The following MSRA variants were observed in gnomAD, a reference collection of about 807,000 sequenced individuals.
MSRA encodes methionine sulfoxide reductase A.
A neutral mutation model predicts 31.3 loss-of-function variants in MSRA; 54 were observed. The observed-to-expected ratio is 1.73, with a 90% CI of 1.39 to 2.17. The LOEUF (loss-of-function observed/expected upper bound fraction) is 2.17. Among genes scored for constraint, MSRA ranks in the 30% most tolerant of loss-of-function variants. MSRA has a pLI of 0.00. For missense variants in MSRA, 507 were observed against 300.9 expected, an observed-to-expected ratio of 1.69 and a Z score of -5.07; for synonymous variants, 169 against 116.5, an observed-to-expected ratio of 1.45 and a Z score of -2.90.
At chr8:10,054,775 G>C in intron 1 of MSRA, 117 bp downstream of exon 1, 5 of 1,195,976 alleles carry the variant, frequency 4.2e-6, no homozygotes, top group East Asian at 3.4e-5. Flanking sequence ...GGCGGGTCGC[G>C]GGGTGGGGGT....
chr8:10,071,951 C>T (rs940691066), intron 1 of MSRA, among the ~76,000 whole-genome samples: 1 of 152,158 alleles, frequency 6.6e-6, no homozygotes, highest in Admixed American at 6.5e-5. Context: ...TTCAGTAGTG[C>T]GTATGGGTCC....
chr8:10,166,517 G>C (rs143304019), intron 1 of MSRA, among the ~76,000 whole-genome samples: 1 of 152,084 alleles, frequency 6.6e-6, no homozygotes, highest in Admixed American at 6.5e-5. Context: ...GCATTTGTGT[G>C]TGTGTGCATA....
chr8:10,278,392 G>A (rs928846245), intron 3 of MSRA, among the ~76,000 whole-genome samples: 13 of 152,236 alleles, frequency 8.5e-5, no homozygotes, highest in African/African-American at 2.9e-4. Context: ...ACATGCACAG[G>A]TTGACTTCTT....
intron 3 of MSRA, among the ~76,000 whole-genome samples, chr8:10,258,336 G>T (rs1798290977): frequency 6.6e-6 from 1 of 152,142 alleles, no homozygotes; most frequent in Non-Finnish European, 1.5e-5. Flanking sequence ...CCCTTCCAAA[G>T]TGAGAAAGAC....
At chr8:10,059,886 C>G (rs187349219) in intron 1 of MSRA, among the ~76,000 whole-genome samples, 1 of 152,184 alleles carries the variant, frequency 6.6e-6, no homozygotes, top group South Asian at 2.1e-4. Flanking sequence ...AGATGCTCAA[C>G]TTCACTTATA....
At chr8:10,298,014 G>T (rs1006453463) in intron 3 of MSRA, among the ~76,000 whole-genome samples, 6 of 152,164 alleles carry the variant, frequency 3.9e-5, no homozygotes, top group African/African-American at 1.4e-4. Flanking sequence ...CATAGTAGGA[G>T]GTTGAGCTTC....
rs578154657 is a variant in MSRA at position 10,061,459 on chromosome 8, A to G, written c.142+6801A>G. Among the ~76,000 whole-genome samples the G allele has an allele frequency of 3.3e-5, 5 of 152,054 alleles. No individual in the cohort carries two copies. In the South Asian group the frequency reaches 8.3e-4, roughly 25 times the overall value. On this transcript the variant is annotated intron_variant, in intron 1 of 5. Transcript: ENST00000317173. ...CTTCTTCTCTACTGGACAAATAGCT[A>G]TGTACTACTTTATGAATCCTTTCTA... is the stretch of plus-strand genomic sequence containing the variant.
At chr8:10,135,995 C>G (rs1429420994) in intron 1 of MSRA, among the ~76,000 whole-genome samples, 1 of 152,128 alleles carries the variant, frequency 6.6e-6, no homozygotes, top group African/African-American at 2.4e-5. Flanking sequence ...AAGTAGGCCC[C>G]ATGAGGTGAG....
intron 5 of MSRA, among the ~76,000 whole-genome samples, chr8:10,322,518 A>C (rs1802102702): frequency 6.6e-6 from 1 of 152,170 alleles, no homozygotes; most frequent in Non-Finnish European, 1.5e-5. Flanking sequence ...AAGCAGAGGC[A>C]GATTTGTGGG....
chr8:10,132,789 C>T (rs1447070657), intron 1 of MSRA, among the ~76,000 whole-genome samples: 2 of 152,196 alleles, frequency 1.3e-5, no homozygotes, highest in Non-Finnish European at 2.9e-5. Context: ...AAAGGTTAAA[C>T]AGTTTACCCG....
rs1053393602 is a variant in MSRA, at chr8:10,380,390, G to C, written c.544-47758G>C. ...GCCTTCCCTGCACTGTATTTGGTGG[G>C]ATGGAGCCATGGCGCTGAAGGCTCA... On this transcript the variant is annotated intron_variant, in intron 5 of 5. Transcript: ENST00000317173. Among the ~76,000 whole-genome samples, 5 of 152,190 alleles carry C rather than the reference G, an allele frequency of 3.3e-5. No individual in the cohort carries two copies. In the South Asian group the frequency reaches 8.3e-4, roughly 25 times the overall value.
chr8:10,144,600 C>A (rs1057224826), intron 1 of MSRA, among the ~76,000 whole-genome samples: 1 of 151,996 alleles, frequency 6.6e-6, no homozygotes, highest in Non-Finnish European at 1.5e-5. Flanking sequence ...GCTTCCCCCC[C>A]TCCTCCCCCT....
intron 5 of MSRA, among the ~76,000 whole-genome samples, chr8:10,341,534 G>A (rs566620738): frequency 1.3e-5 from 2 of 152,288 alleles, no homozygotes; most frequent in East Asian, 3.9e-4. Context: ...GATTTGGGCA[G>A]GGACATATAT....
chr8:10,264,684 G>T (rs1196224792), intron 3 of MSRA, among the ~76,000 whole-genome samples: 1 of 152,146 alleles, frequency 6.6e-6, no homozygotes, highest in African/African-American at 2.4e-5. Flanking sequence ...AGAGCAAATG[G>T]CCTTCTGGTG....
chr8:10,392,458 G>T (rs1266090480), intron 5 of MSRA, among the ~76,000 whole-genome samples: 1 of 152,136 alleles, frequency 6.6e-6, no homozygotes, highest in Non-Finnish European at 1.5e-5. Context: ...TCTCCCTATG[G>T]GTTCCTCCCT....
At chr8:10,128,578 A>G (rs1247115918) in intron 1 of MSRA, among the ~76,000 whole-genome samples, 2 of 152,124 alleles carry the variant, frequency 1.3e-5, no homozygotes, top group African/African-American at 4.8e-5. Context: ...CTAGTAGCCC[A>G]GCCTGGAAAA....
rs528202517 is a variant in MSRA, at chr8:10,339,831, A to G, written c.543+19842A>G. On this transcript the variant is annotated intron_variant, in intron 5 of 5. Transcript: ENST00000317173. ...GCTGGGATTACAGGCGTGAGCCACCACGCCCGGCAGCAAGGGGTTTTCAAT... is the reference window on the plus strand; with the variant it reads ...GCTGGGATTACAGGCGTGAGCCACCGCGCCCGGCAGCAAGGGGTTTTCAAT... Among the ~76,000 whole-genome samples, 6 of 150,846 alleles carry G rather than the reference A, an allele frequency of 4.0e-5. No individual in the cohort carries two copies. The South Asian group carries it at 1.3e-3, about 32-fold the overall frequency.
intron 1 of MSRA, among the ~76,000 whole-genome samples, chr8:10,148,663 G>C (rs1264268903): frequency 2.0e-5 from 3 of 151,174 alleles, no homozygotes; most frequent in African/African-American, 7.3e-5. Context: ...AAAAAAACGG[G>C]AATTTAGTTA....
intron 5 of MSRA, among the ~76,000 whole-genome samples, chr8:10,361,059 C>G (rs1017241850): frequency 3.9e-5 from 6 of 152,232 alleles, no homozygotes; most frequent in African/African-American, 1.4e-4. Flanking sequence ...TGGACAACTC[C>G]TTGGTGGCCC....
Sources: gnomAD v4.1 joint callset for allele counts (sites outside exome capture counted in the v4.1 genomes callset) on GRCh38, gnomAD v4.1.1 for gene constraint, MANE v1.5 for transcripts, NCBI Gene and HGNC (gene_info 2026-07-23, HGNC 2026-07-21) for gene names.